Variants in PACS1 observed in about 807,000 individuals in gnomAD.
The protein encoded by PACS1 is phosphofurin acidic cluster sorting protein 1, also known as PACS-1.
A neutral mutation model predicts 115.0 loss-of-function variants in PACS1; 24 were observed. The observed-to-expected ratio is 0.21, with a 90% CI of 0.15 to 0.29. The LOEUF (loss-of-function observed/expected upper bound fraction) is 0.29, where lower values mean the gene tolerates loss of function less well. PACS1 is among the 10% of genes least tolerant of loss of function. The pLI, the probability that PACS1 is intolerant of heterozygous loss-of-function variation, is 1.00. For synonymous variants in PACS1, 453 were observed against 504.5 expected, an observed-to-expected ratio of 0.90 and a Z score of 1.37; for missense variants, 838 against 1,251.2, an observed-to-expected ratio of 0.67 and a Z score of 4.98.
chr11:66,206,434 C>T (rs908137516), intron 2 of PACS1, among the ~76,000 whole-genome samples: 2 of 152,122 alleles, frequency 1.3e-5, no homozygotes, highest in African/African-American at 2.4e-5. Flanking sequence ...GACAGTAGTG[C>T]ACCATGCTTG....
At chr11:66,126,021 C>CAG (rs1163293633) in intron 1 of PACS1, among the ~76,000 whole-genome samples, 2 of 129,108 alleles carry the variant, frequency 1.5e-5, no homozygotes, top group Non-Finnish European at 3.2e-5. Flanking sequence ...GCCTGGGTGA[C>CAG]AGAGCAAGAC....
chr11:66,100,127 G>A (rs549966641), intron 1 of PACS1, among the ~76,000 whole-genome samples: 17 of 151,296 alleles, frequency 1.1e-4, no homozygotes, highest in African/African-American at 3.6e-4. Context: ...TGATCTGCCC[G>A]CCTCGGCCTC....
chr11:66,232,897 G>T, intron 14 of PACS1, 63 bp from the exon 15 acceptor site: 2 of 1,253,242 alleles, frequency 1.6e-6, no homozygotes, highest in Non-Finnish European at 2.3e-6. Flanking sequence ...CTTGCCTCTT[G>T]GCCCTTGTGA....
intron 1 of PACS1, among the ~76,000 whole-genome samples, chr11:66,172,482 T>C (rs1467405771): frequency 1.3e-5 from 2 of 152,182 alleles, no homozygotes; most frequent in Admixed American, 6.5e-5. Context: ...GAAGATTCCA[T>C]GTGGAGAGGA....
chr11:66,143,673 T>C (rs981643465), intron 1 of PACS1, among the ~76,000 whole-genome samples: 1 of 152,152 alleles, frequency 6.6e-6, no homozygotes, highest in African/African-American at 2.4e-5. Context: ...AGAGTCTTAC[T>C]CTGTTGCCCA....
intron 4 of PACS1, among the ~76,000 whole-genome samples, chr11:66,212,436 CTTTTT>C (rs762291488): frequency 2.3e-5 from 3 of 132,112 alleles, no homozygotes; most frequent in Non-Finnish European, 5.0e-5. Context: ...CTGGCCTTAA[CTTTTT>C]TTTTTTTTTT....
At chr11:66,139,297 G>A (rs567753121) in intron 1 of PACS1, among the ~76,000 whole-genome samples, 1 of 152,106 alleles carries the variant, frequency 6.6e-6, no homozygotes, top group Non-Finnish European at 1.5e-5. Flanking sequence ...GGTAAGTGGG[G>A]TGTCCAACTC....
chr11:66,214,845 C>T (rs1157767172), intron 4 of PACS1, among the ~76,000 whole-genome samples: 1 of 151,756 alleles, frequency 6.6e-6, no homozygotes, highest in East Asian at 1.9e-4. Context: ...TGGTCTCAAA[C>T]TCCTGGACTC....
rs1397571120 is a variant in PACS1 at position 66,216,688 on chromosome 11, C to T, written c.898-7C>T. ...CCCACCCTCATTCTGTCCCTGTACC[C>T]ACTTAGGACTTGTTCTACGAAGACG... is the stretch of plus-strand genomic sequence containing the variant. On this transcript the variant is annotated splice_polypyrimidine_tract_variant and splice_region_variant and intron_variant, in intron 6 of 23. Transcript: ENST00000320580. 5.6e-6 allele frequency: 9 copies of T among 1,613,410 alleles called. No individual in the cohort carries two copies. Among genetic ancestry groups the T allele is most frequent in the Non-Finnish European group, 7.6e-6 (9 of 1,179,396 alleles).
chr11:66,173,033 T>C lies in PACS1; in HGVS notation c.357-20453T>C, dbSNP rs151027021. Among the ~76,000 whole-genome samples the C allele has an allele frequency of 3.1e-4, 47 of 151,490 alleles. 2 individuals carry two copies. Among genetic ancestry groups the C allele is most frequent in the African/African-American group, 1.1e-3 (45 of 41,356 alleles). On this transcript the variant is annotated intron_variant, in intron 1 of 23. Transcript: ENST00000320580. ...TTACACAGCAGTAATTAATATACAT[T>C]AGTGAGAGTATTCTGGTAGTAAACT...
At position 66,218,730 on chromosome 11, in the gene PACS1, C is replaced by T. The variant is rs184400433; in HGVS notation, c.979-1016C>T. 6.7e-3 allele frequency: 1,023 copies of T among 152,122 alleles called. 5 individuals carry two copies. The highest frequency in any genetic ancestry group is 0.015 in the Admixed American group (235 of 15,254). The allele number at this position is 152,122 out of a possible 1,614,324, so 9.4% of individuals were successfully genotyped here. ...CAAAAATTAGCTTGGTGTGGTGGCACGTGCCTGTAATCCCAGCTACTCAGG... is the reference window on the plus strand; with the variant it reads ...CAAAAATTAGCTTGGTGTGGTGGCATGTGCCTGTAATCCCAGCTACTCAGG... On this transcript the variant is annotated intron_variant, in intron 7 of 23. Coordinates refer to ENST00000320580, the MANE Select transcript of PACS1 (RefSeq NM_018026.4).
intron 1 of PACS1, among the ~76,000 whole-genome samples, chr11:66,157,937 A>G (rs545801214): frequency 1.3e-5 from 2 of 151,916 alleles, no homozygotes; most frequent in Non-Finnish European, 2.9e-5. Context: ...GCTTATCCAC[A>G]TAGAATTTCT....
intron 1 of PACS1, among the ~76,000 whole-genome samples, chr11:66,087,560 G>T (rs1046429221): frequency 1.3e-5 from 2 of 152,210 alleles, no homozygotes; most frequent in Non-Finnish European, 2.9e-5. Context: ...AACTTCTGCT[G>T]CTCAACATTA....
At chr11:66,209,543 A>G (rs1290241859) in intron 2 of PACS1, among the ~76,000 whole-genome samples, 2 of 152,186 alleles carry the variant, frequency 1.3e-5, no homozygotes, top group Admixed American at 6.5e-5. Flanking sequence ...AGCATCATAT[A>G]TGTAAAATCA....
At chr11:66,186,782 T>G (rs1478012192) in intron 1 of PACS1, among the ~76,000 whole-genome samples, 1 of 152,230 alleles carries the variant, frequency 6.6e-6, no homozygotes, top group Admixed American at 6.5e-5. Context: ...TTTAAATCAA[T>G]GTGCAGATTG....
chr11:66,088,767 G>A (rs1213436677), intron 1 of PACS1, among the ~76,000 whole-genome samples: 1 of 152,102 alleles, frequency 6.6e-6, no homozygotes. Flanking sequence ...CAGCTTTTCA[G>A]TTTCCTTAAA....
intron 20 of PACS1, 128 bp from the exon 21 acceptor site, chr11:66,239,014 G>C: frequency 4.1e-6 from 6 of 1,460,644 alleles, no homozygotes; most frequent in Non-Finnish European, 4.7e-6. Flanking sequence ...GGCTGGGGGA[G>C]GTGGAAGGAG....
intron 1 of PACS1, among the ~76,000 whole-genome samples, chr11:66,149,722 C>G (rs942898139): frequency 6.6e-6 from 1 of 151,132 alleles, no homozygotes. Context: ...CATGTCTGTT[C>G]AGTACATTAT....
intron 1 of PACS1, among the ~76,000 whole-genome samples, chr11:66,114,382 C>T (rs1260437707): frequency 6.8e-6 from 1 of 148,108 alleles, no homozygotes; most frequent in African/African-American, 2.5e-5. Context: ...CCCACCACTG[C>T]ACTCCAGCCT....
Sources: allele counts gnomAD v4.1 joint callset (sites outside exome capture counted in the v4.1 genomes callset), GRCh38; gene constraint gnomAD v4.1.1; transcripts MANE v1.5; gene names NCBI Gene and HGNC (gene_info 2026-07-23, HGNC 2026-07-21).